The following AGBL1 variants were observed in gnomAD, a reference collection of about 807,000 sequenced individuals.
AGBL1 encodes the protein AGBL carboxypeptidase 1.
AGBL1 carries 130 observed loss-of-function variants against 118.9 expected under a neutral mutation model. The observed-to-expected ratio is 1.09, with a 90% CI of 0.95 to 1.26. The LOEUF is 1.26. Among genes scored for constraint, AGBL1 ranks in the 50% most tolerant of loss-of-function variants. The probability of loss-of-function intolerance (pLI) is 0.00; values close to 1 mark genes in which losing one functional copy is unlikely to be tolerated. For missense variants in AGBL1, 1,584 were observed against 1,298.1 expected, an observed-to-expected ratio of 1.22 and a Z score of -3.38; for synonymous variants, 555 against 478.9, an observed-to-expected ratio of 1.16 and a Z score of -2.08.
intron 4 of AGBL1, 36 bp downstream of exon 4, chr15:86,154,597 C>A: frequency 6.3e-7 from 1 of 1,578,286 alleles, no homozygotes; most frequent in Non-Finnish European, 8.6e-7. Context: ...GGGATGGCTT[C>A]CAAACCTGGG....
intron 15 of AGBL1, 88 bp from the exon 16 acceptor site, chr15:86,279,551 A>G: frequency 7.5e-7 from 1 of 1,326,716 alleles, no homozygotes; most frequent in Non-Finnish European, 1.1e-6. Flanking sequence ...ATAACGCACA[A>G]GATTTATAGC....
chr15:86,634,177 A>G (rs1361582207), intron 21 of AGBL1, among the ~76,000 whole-genome samples: 2 of 152,198 alleles, frequency 1.3e-5, no homozygotes, highest in African/African-American at 4.8e-5. Flanking sequence ...TGTTGAAAAT[A>G]GAGTTACTAT....
chr15:87,014,324 A>G lies in AGBL1; in HGVS notation c.3324-14501A>G, dbSNP rs1335045036. 5.9e-5 allele frequency among the ~76,000 whole-genome samples: 9 copies of G among 152,288 alleles called. No homozygotes were observed. In the South Asian group the frequency reaches 1.7e-3, roughly 28 times the overall value. ...TTCTTATTTCAATTTTCCCTCTCTT[A>G]ATTCTATTGCGTGATCTTAGGCAAG... On this transcript the variant is annotated intron_variant, in intron 24 of 24. Coordinates refer to the AGBL1 transcript ENST00000441037.
chr15:86,449,998 C>T (rs1198093138), intron 18 of AGBL1, among the ~76,000 whole-genome samples: 4 of 152,100 alleles, frequency 2.6e-5, no homozygotes, highest in Non-Finnish European at 5.9e-5. Context: ...TTCTGTGTGC[C>T]ATCTGTTCAC....
At chr15:86,947,507 A>G (rs1017779929) in intron 23 of AGBL1, among the ~76,000 whole-genome samples, 7 of 152,196 alleles carry the variant, frequency 4.6e-5, no homozygotes, top group Admixed American at 6.5e-5. Flanking sequence ...TCATGGCTTC[A>G]GGGCGAAAAC....
intron 1 of AGBL1, among the ~76,000 whole-genome samples, chr15:86,091,675 T>C (rs1896036464): frequency 1.3e-5 from 2 of 152,290 alleles, no homozygotes; most frequent in South Asian, 4.1e-4. Flanking sequence ...AGCCACTTGA[T>C]CAGGTTTAAG....
At chr15:86,609,767 A>G (rs1175466372) in intron 21 of AGBL1, among the ~76,000 whole-genome samples, 1 of 152,182 alleles carries the variant, frequency 6.6e-6, no homozygotes, top group Non-Finnish European at 1.5e-5. Context: ...AAGATTTGTA[A>G]ACGACATACT....
At chr15:87,029,733 T>G (rs895732940), downstream of AGBL1, among the ~76,000 whole-genome samples, 1 of 151,920 alleles carries the variant, frequency 6.6e-6, no homozygotes, top group Non-Finnish European at 1.5e-5. Context: ...GAATATAATC[T>G]TTTCCTTCAA....
intron 21 of AGBL1, among the ~76,000 whole-genome samples, chr15:86,614,468 A>G (rs374977104): frequency 1.3e-3 from 198 of 152,322 alleles, no homozygotes; most frequent in African/African-American, 3.7e-3. Context: ...TTCTTTCACT[A>G]GAATTACATG....
chr15:86,637,396 A>T (rs906977097), intron 21 of AGBL1, among the ~76,000 whole-genome samples: 1 of 152,076 alleles, frequency 6.6e-6, no homozygotes, highest in Non-Finnish European at 1.5e-5. Context: ...GAAAGGCACT[A>T]AGGAAGAAGA....
At chr15:86,398,709 A>G (rs1464573860) in intron 18 of AGBL1, among the ~76,000 whole-genome samples, 2 of 152,194 alleles carry the variant, frequency 1.3e-5, no homozygotes, top group Admixed American at 6.5e-5. Context: ...AAACAATTTA[A>G]GTGTTAAACA....
intron 5 of AGBL1, among the ~76,000 whole-genome samples, chr15:86,221,772 G>A (rs2078284298): frequency 2.0e-5 from 3 of 151,664 alleles, no homozygotes; most frequent in Admixed American, 2.0e-4. Flanking sequence ...TTTAAGGAAA[G>A]CACTTATATC....
intron 16 of AGBL1, among the ~76,000 whole-genome samples, chr15:86,281,539 C>G (rs773776597): frequency 6.6e-6 from 1 of 152,136 alleles, no homozygotes; most frequent in Non-Finnish European, 1.5e-5. Flanking sequence ...ATATCTTGGA[C>G]TCTGATAAGG....
chr15:86,724,208 C>G (rs909805100), intron 22 of AGBL1, among the ~76,000 whole-genome samples: 10 of 120,056 alleles, frequency 8.3e-5, no homozygotes, highest in African/African-American at 3.3e-4. Context: ...TGCGCTCCAG[C>G]CTGGATGACA....
chr15:86,998,288 C>G (rs1168622346), intron 24 of AGBL1, among the ~76,000 whole-genome samples: 1 of 151,564 alleles, frequency 6.6e-6, no homozygotes, highest in Non-Finnish European at 1.5e-5. Context: ...TCAATTGACT[C>G]TATCCTTTCA....
At chr15:86,902,148 A>C (rs1025572198) in intron 22 of AGBL1, among the ~76,000 whole-genome samples, 2 of 152,184 alleles carry the variant, frequency 1.3e-5, no homozygotes, top group Admixed American at 1.3e-4. Context: ...TAATTGTGGC[A>C]TCGTTTTACA....
rs540081673 is a variant in AGBL1 at position 86,797,300 on chromosome 15, A to G, written c.3159-109787A>G. The stretch of plus-strand genomic sequence containing the variant: ...GAGCTCACTATCCCTGGGCTGTTCC[A>G]GCATGACAGATTCCTCTTTACATCC... On this transcript the variant is annotated intron_variant, in intron 22 of 22. Coordinates refer to ENST00000614907, the MANE Select transcript of AGBL1 (RefSeq NM_001386094.1). Among the ~76,000 whole-genome samples the G allele has an allele frequency of 4.9e-4, 74 of 152,380 alleles. 1 individual carries two copies. Among genetic ancestry groups the G allele is most frequent in the African/African-American group, 1.6e-3 (66 of 41,596 alleles).
intron 6 of AGBL1, among the ~76,000 whole-genome samples, chr15:86,243,762 A>C (rs1239608496): frequency 6.6e-6 from 1 of 152,156 alleles, no homozygotes; most frequent in East Asian, 1.9e-4. Flanking sequence ...TAATTCCAGC[A>C]CTTGGGGAGG....
intron 22 of AGBL1, among the ~76,000 whole-genome samples, chr15:86,895,165 T>A (rs1322472782): frequency 1.6e-5 from 2 of 126,168 alleles, no homozygotes; most frequent in African/African-American, 5.6e-5. Flanking sequence ...CTTTTCTTCT[T>A]TCTCTTTCCC....
Sources: allele counts gnomAD v4.1 joint callset (sites outside exome capture counted in the v4.1 genomes callset), GRCh38; gene constraint gnomAD v4.1.1; transcripts MANE v1.5; gene names NCBI Gene and HGNC (gene_info 2026-07-23, HGNC 2026-07-21).